Variants in CCNY observed in about 807,000 individuals in gnomAD.
CCNY encodes the protein cyclin-Y.
CCNY carries 19 observed loss-of-function variants against 42.8 expected under a neutral mutation model. The ratio of observed to expected loss-of-function variants is 0.44; its 90% confidence interval spans 0.31 to 0.65. The LOEUF is 0.65. CCNY is among the 30% of genes least tolerant of loss of function. CCNY has a pLI of 0.07. For synonymous variants in CCNY, 165 were observed against 162.7 expected (o/e 1.01, Z -0.11); for missense variants, 370 against 437.3 (o/e 0.85, Z 1.37).
In CCNY at chr10:35,530,112, T is replaced by C. The variant is rs1840734484; in HGVS notation, c.460-12T>C. On this transcript the variant is annotated splice_polypyrimidine_tract_variant and intron_variant, in intron 6 of 9. Transcript: ENST00000374704. The surrounding 1 kb of genome is among the most constrained non-coding windows in gnomAD (Gnocchi z 4.3). ...CGGGAGATCAGTCATCTGAAAATAT[T>C]TTCTTCCCCAGAAATCCGAAGTGCC... The C allele has an allele frequency of 6.2e-7, 1 of 1,614,038 alleles. No individual in the cohort carries two copies. The highest frequency in any genetic ancestry group is 1.1e-5 in the South Asian group (1 of 91,082).
At chr10:35,544,406 A>G (rs1841069700) in intron 7 of CCNY, among the ~76,000 whole-genome samples, 1 of 152,234 alleles carries the variant, frequency 6.6e-6, no homozygotes. Context: ...ACAGGTTTGC[A>G]GTCTTGGAGC....
At chr10:35,412,226 G>A (rs1483085193) in intron 1 of CCNY, among the ~76,000 whole-genome samples, 1 of 152,216 alleles carries the variant, frequency 6.6e-6, no homozygotes, top group Non-Finnish European at 1.5e-5. Context: ...TTCGTTACAG[G>A]GAGGGAGTGG....
intron 1 of CCNY, among the ~76,000 whole-genome samples, chr10:35,456,126 T>C (rs1317823519): frequency 6.6e-6 from 1 of 152,204 alleles, no homozygotes; most frequent in Non-Finnish European, 1.5e-5. Flanking sequence ...CAATTGTATG[T>C]ACTGGTGTGT....
intron 1 of CCNY, among the ~76,000 whole-genome samples, chr10:35,380,848 G>C (rs1011929212): frequency 6.6e-6 from 1 of 152,142 alleles, no homozygotes. Flanking sequence ...GCTAGAAGTG[G>C]AACCAAGAGA....
At chr10:35,249,561 C>T (rs960648723) in intron 2 of CCNY, among the ~76,000 whole-genome samples, 4 of 152,172 alleles carry the variant, frequency 2.6e-5, no homozygotes, top group African/African-American at 7.2e-5. Flanking sequence ...AAGAAAATTA[C>T]TTCTAGTTAG....
intron 3 of CCNY, among the ~76,000 whole-genome samples, chr10:35,290,588 T>C (rs1312946658): frequency 6.6e-6 from 1 of 152,216 alleles, no homozygotes; most frequent in Non-Finnish European, 1.5e-5. Flanking sequence ...ACTATACAAT[T>C]CACTCATTTG....
intron 8 of CCNY, among the ~76,000 whole-genome samples, chr10:35,555,917 A>G (rs1841354527): frequency 1.3e-5 from 2 of 152,214 alleles, no homozygotes; most frequent in South Asian, 4.1e-4. Flanking sequence ...TTCAAGTGCA[A>G]AATACTAATA....
intron 1 of CCNY, among the ~76,000 whole-genome samples, chr10:35,447,675 C>T (rs1328479842): frequency 1.3e-5 from 2 of 152,054 alleles, no homozygotes; most frequent in East Asian, 3.9e-4. Context: ...AGTAATAACC[C>T]AAGGGTAGCA....
At chr10:35,418,652 C>T (rs949704305) in intron 1 of CCNY, among the ~76,000 whole-genome samples, 4 of 151,656 alleles carry the variant, frequency 2.6e-5, no homozygotes, top group Admixed American at 1.3e-4. Context: ...GTGTAGGGGG[C>T]GTATGTGGGG....
At chr10:35,367,162 A>AT (rs1836827010) in intron 1 of CCNY, among the ~76,000 whole-genome samples, 1 of 151,948 alleles carries the variant, frequency 6.6e-6, no homozygotes, top group Non-Finnish European at 1.5e-5. Context: ...TTTTACATAA[A>AT]TTTTTTCATG....
intron 3 of CCNY, among the ~76,000 whole-genome samples, chr10:35,259,906 T>A (rs985070031): frequency 7.1e-6 from 1 of 141,602 alleles, no homozygotes; most frequent in African/African-American, 2.7e-5. Context: ...TTTTTTTTTT[T>A]AAAGGGACCC....
intron 1 of CCNY, among the ~76,000 whole-genome samples, chr10:35,363,305 T>C (rs541815699): frequency 8.0e-6 from 1 of 125,212 alleles, no homozygotes; most frequent in South Asian, 2.9e-4. Context: ...TCCCAGACGG[T>C]TGGGGGGCCG....
At chr10:35,374,437 G>C (rs1313510557) in intron 1 of CCNY, among the ~76,000 whole-genome samples, 1 of 152,120 alleles carries the variant, frequency 6.6e-6, no homozygotes, top group Non-Finnish European at 1.5e-5. Flanking sequence ...TGATCTCCAC[G>C]GCCAGTCACA....
chr10:35,460,854 A>G (rs1839142945), intron 1 of CCNY, among the ~76,000 whole-genome samples: 1 of 152,204 alleles, frequency 6.6e-6, no homozygotes, highest in Non-Finnish European at 1.5e-5. Flanking sequence ...AGCATGGATG[A>G]TAAGTGATGC....
At chr10:35,291,185 T>G (rs1327257337) in intron 3 of CCNY, among the ~76,000 whole-genome samples, 1 of 152,006 alleles carries the variant, frequency 6.6e-6, no homozygotes, top group African/African-American at 2.4e-5. Context: ...TTTTGTATTT[T>G]TAGTAGAGAT....
intron 7 of CCNY, among the ~76,000 whole-genome samples, chr10:35,537,654 G>T (rs1018164624): frequency 3.9e-5 from 6 of 152,136 alleles, no homozygotes; most frequent in African/African-American, 1.4e-4. Flanking sequence ...GCTTGCTTGG[G>T]CCCTGTAACT....
intron 1 of CCNY, among the ~76,000 whole-genome samples, chr10:35,431,070 T>C (rs1838383807): frequency 6.6e-6 from 1 of 151,572 alleles, no homozygotes; most frequent in Non-Finnish European, 1.5e-5. Flanking sequence ...TGAGCCGGGA[T>C]TGTGCCACTG....
chr10:35,430,292 C>G (rs933414252), intron 1 of CCNY, among the ~76,000 whole-genome samples: 3 of 144,912 alleles, frequency 2.1e-5, no homozygotes, highest in African/African-American at 7.7e-5. Flanking sequence ...AGCCGAGATC[C>G]CGCCACTGCA....
chr10:35,554,454 A>G (rs1412468292), intron 8 of CCNY, among the ~76,000 whole-genome samples: 7 of 152,248 alleles, frequency 4.6e-5, no homozygotes, highest in Non-Finnish European at 8.8e-5. Flanking sequence ...ATTCTTGACT[A>G]TATTTCATGG....
Sources: gnomAD v4.1 joint callset for allele counts (sites outside exome capture counted in the v4.1 genomes callset) on GRCh38, gnomAD v4.1.1 for gene constraint, Gnocchi (gnomAD v3.1) non-coding constraint, MANE v1.5 for transcripts, NCBI Gene and HGNC (gene_info 2026-07-23, HGNC 2026-07-21) for gene names.